Variants in DNAH3 observed in about 807,000 individuals in gnomAD.
DNAH3 encodes axonemal beta dynein heavy chain 3.
Under a neutral mutation model 432.5 loss-of-function variants are expected in DNAH3, and 332 were observed. The observed-to-expected ratio is 0.77, with a 90% CI of 0.70 to 0.84. DNAH3 has a LOEUF of 0.84. Ranked by LOEUF, DNAH3 falls within the 40% of genes least tolerant of loss-of-function variation. The pLI is 0.00. For synonymous variants in DNAH3, 1,956 were observed against 1,900.2 expected (o/e 1.03, Z -0.76); for missense variants, 4,861 against 5,114.0 (o/e 0.95, Z 1.51).
intron 1 of DNAH3, among the ~76,000 whole-genome samples, chr16:21,152,793 C>G (rs1158655747): frequency 6.6e-6 from 1 of 152,360 alleles, no homozygotes; most frequent in Non-Finnish European, 1.5e-5. Context: ...AGCCCACCGG[C>G]GCTGCGCTCC....
intron 27 of DNAH3, among the ~76,000 whole-genome samples, chr16:21,055,898 A>G (rs192958646): frequency 6.6e-6 from 1 of 152,196 alleles, no homozygotes; most frequent in East Asian, 1.9e-4. Flanking sequence ...AGCACACACC[A>G]TCACTCCTGG....
chr16:21,146,853 G>A (rs995559369), intron 1 of DNAH3, among the ~76,000 whole-genome samples: 2 of 150,594 alleles, frequency 1.3e-5, no homozygotes, highest in African/African-American at 2.4e-5. Flanking sequence ...CTCTGCCTCC[G>A]GGGGTCAAGT....
chr16:21,047,016 T>C (rs1456548549), intron 31 of DNAH3, among the ~76,000 whole-genome samples: 3 of 152,136 alleles, frequency 2.0e-5, no homozygotes, highest in East Asian at 1.9e-4. Context: ...CACTCTCTTC[T>C]GGCTTGTAGG....
chr16:20,985,771 T>C (rs1050308498), intron 47 of DNAH3, 56 bp from the exon 48 acceptor site: 228 of 1,562,554 alleles, frequency 1.5e-4, no homozygotes, highest in Non-Finnish European at 1.9e-4. Flanking sequence ...GCCAGGCTGG[T>C]AGGGACATCA....
intron 59 of DNAH3, among the ~76,000 whole-genome samples, chr16:20,940,558 G>T (rs2083767464): frequency 6.7e-6 from 1 of 149,948 alleles, no homozygotes; most frequent in Non-Finnish European, 1.5e-5. Flanking sequence ...CTCCCAAGTA[G>T]CTGGGACTGT....
chr16:21,009,925 G>A (rs1427358852), intron 41 of DNAH3, among the ~76,000 whole-genome samples: 2 of 144,472 alleles, frequency 1.4e-5, no homozygotes, highest in East Asian at 2.1e-4. Flanking sequence ...GGGGAGGGGA[G>A]GGGAGGGGAG....
chr16:21,117,321 G>A, intron 11 of DNAH3: 2 of 1,593,332 alleles, frequency 1.3e-6, no homozygotes, highest in Non-Finnish European at 1.7e-6. Context: ...TTCAGCTCTG[G>A]GAACAGGACA....
chr16:20,944,530 G>T, exon 58 of DNAH3: 1 of 1,614,150 alleles, frequency 6.2e-7, no homozygotes. Flanking sequence ...TGACTGTCTA[G>T]GGAGGGTCAG....
chr16:21,073,228 T>C (rs950820982), intron 21 of DNAH3, among the ~76,000 whole-genome samples: 1 of 152,212 alleles, frequency 6.6e-6, no homozygotes, highest in African/African-American at 2.4e-5. Flanking sequence ...GGAGGTATGT[T>C]GGGCTATTAA....
intron 21 of DNAH3, 104 bp downstream of exon 21, chr16:21,075,343 T>G (rs2090935613): frequency 1.2e-6 from 1 of 842,884 alleles, no homozygotes; most frequent in Admixed American, 1.9e-5. Context: ...GAGCGATTAT[T>G]TCTCTGTGAG....
At chr16:21,115,337 C>T (rs1325181678) in intron 12 of DNAH3, among the ~76,000 whole-genome samples, 1 of 147,798 alleles carries the variant, frequency 6.8e-6, no homozygotes, top group East Asian at 2.0e-4. Flanking sequence ...CACATGTATA[C>T]ATATGTAACA....
intron 7 of DNAH3, among the ~76,000 whole-genome samples, chr16:21,132,275 T>C (rs2092576044): frequency 6.6e-6 from 1 of 152,188 alleles, no homozygotes; most frequent in Non-Finnish European, 1.5e-5. Flanking sequence ...CTAGAGATCC[T>C]CCCAAAGCAA....
chr16:21,056,028 G>A (rs112947591), intron 27 of DNAH3, among the ~76,000 whole-genome samples: 10 of 152,260 alleles, frequency 6.6e-5, no homozygotes, highest in African/African-American at 1.7e-4. Flanking sequence ...ATGAGCCACC[G>A]TATCCTGCCC....
chr16:21,051,854 C>T (rs1160059357), exon 29 of DNAH3: 2 of 1,614,100 alleles, frequency 1.2e-6, no homozygotes, highest in Admixed American at 3.3e-5. Context: ...GATAACTTGG[C>T]CACCACGTCG....
exon 34 of DNAH3, chr16:21,037,900 C>T (rs964016861): frequency 1.9e-6 from 3 of 1,614,144 alleles, no homozygotes; most frequent in East Asian, 2.2e-5. Flanking sequence ...CTTGACAGCG[C>T]GCATACCGTA....
chr16:21,036,976 A>G, intron 34 of DNAH3, 128 bp from the exon 35 acceptor site: 1 of 737,812 alleles, frequency 1.4e-6, no homozygotes, highest in Non-Finnish European at 2.2e-6. Context: ...TTTTTCTTGC[A>G]CCAAAACTTT....
exon 24 of DNAH3, chr16:21,067,418 A>G: frequency 6.2e-7 from 1 of 1,613,526 alleles, no homozygotes; most frequent in East Asian, 2.2e-5. Context: ...GTTATCTTTC[A>G]CCTGGGTTCC....
intron 41 of DNAH3, among the ~76,000 whole-genome samples, chr16:21,012,889 G>A (rs1193275460): frequency 6.6e-6 from 1 of 152,092 alleles, no homozygotes; most frequent in Non-Finnish European, 1.5e-5. Flanking sequence ...AGCCTCCTGA[G>A]TAGGTGGGAC....
chr16:21,145,509 C>T (rs2092772118), intron 2 of DNAH3, 103 bp from the exon 4 acceptor site: 1 of 928,808 alleles, frequency 1.1e-6, no homozygotes. Flanking sequence ...GTGCCTTATG[C>T]TATGTTTCTG....
Sources: gnomAD v4.1 joint callset for allele counts (sites outside exome capture counted in the v4.1 genomes callset) on GRCh38, gnomAD v4.1.1 for gene constraint, MANE v1.5 for transcripts, NCBI Gene and HGNC (gene_info 2026-07-23, HGNC 2026-07-21) for gene names.